Variants in STAG1 observed in about 807,000 individuals in gnomAD.
The protein encoded by STAG1 is STAG1 cohesin complex component.
Under a neutral mutation model 170.9 loss-of-function variants are expected in STAG1, and 26 were observed. The observed-to-expected ratio is 0.15, with a 90% CI of 0.11 to 0.21. The LOEUF is 0.21. STAG1 is among the 10% of genes least tolerant of loss of function. STAG1 has a pLI of 1.00. For synonymous variants in STAG1, 514 were observed against 497.7 expected, an observed-to-expected ratio of 1.03 and a Z score of -0.44; for missense variants, 964 against 1,509.5, an observed-to-expected ratio of 0.64 and a Z score of 5.99.
At position 136,337,263 on chromosome 3, in the gene STAG1, T is replaced by G. The variant is rs1935718951; in HGVS notation, c.*991A>C. The G allele has an allele frequency of 6.6e-6, 1 of 152,656 alleles. No homozygotes were observed. The highest frequency in any genetic ancestry group is 2.4e-5 in the African/African-American group (1 of 41,470). 9.5% of individuals were successfully genotyped at this position (152,656 alleles called of 1,614,324 possible). ...GAAGTAAACACAGTTATGTTACACT[T>G]AAAATTACTTTTGAATGATTGATAA... is the stretch of plus-strand genomic sequence containing the variant. On this transcript the variant is annotated 3_prime_UTR_variant, in exon 34 of 34. Transcript: ENST00000383202.
intron 1 of STAG1, among the ~76,000 whole-genome samples, chr3:136,706,436 CAT>C (rs1264109147): frequency 6.6e-6 from 1 of 152,032 alleles, no homozygotes; most frequent in Non-Finnish European, 1.5e-5. Flanking sequence ...TGTTCCTACA[CAT>C]AATAATCCAA....
In STAG1 at chr3:136,751,263, G is replaced by GA. The variant is rs539146504; in HGVS notation, c.-84+931dup. Among the ~76,000 whole-genome samples the GA allele has an allele frequency of 7.3e-4, 110 of 150,842 alleles. 1 individual carries two copies. The South Asian group carries it at 0.022, about 31-fold the overall frequency. ...AGCACGATTCCCTGCAATGTGAAGA[G>GA]AATCGACAGATAACATTTCAAATGT... On this transcript the variant is annotated intron_variant, in intron 1 of 33. Transcript: ENST00000383202.
intron 1 of STAG1, among the ~76,000 whole-genome samples, chr3:136,640,099 C>CT (rs1940733820): frequency 1.3e-5 from 2 of 152,172 alleles, no homozygotes. Context: ...GAAAAATTCT[C>CT]TGGGACCACA....
chr3:136,697,039 G>T (rs934537874), intron 1 of STAG1, among the ~76,000 whole-genome samples: 1 of 152,174 alleles, frequency 6.6e-6, no homozygotes, highest in African/African-American at 2.4e-5. Context: ...AGGAACGTTT[G>T]TTGTCTTTAA....
chr3:136,539,405 C>A (rs1205550846), intron 6 of STAG1, among the ~76,000 whole-genome samples: 1 of 152,014 alleles, frequency 6.6e-6, no homozygotes, highest in Non-Finnish European at 1.5e-5. Context: ...GGGAGAAGAG[C>A]ACAATACACA....
chr3:136,604,689 C>T (rs545612687), intron 3 of STAG1, among the ~76,000 whole-genome samples: 91 of 152,148 alleles, frequency 6.0e-4, no homozygotes, highest in African/African-American at 2.0e-3. Flanking sequence ...CTTGCTCTGT[C>T]GCCCAGGATG....
intron 6 of STAG1, among the ~76,000 whole-genome samples, chr3:136,525,286 C>T (rs1212414399): frequency 6.6e-6 from 1 of 152,128 alleles, no homozygotes; most frequent in Admixed American, 6.5e-5. Flanking sequence ...TGTTATTGGT[C>T]TATTCAGGGA....
intron 1 of STAG1, among the ~76,000 whole-genome samples, chr3:136,740,863 A>G (rs958142954): frequency 5.3e-5 from 8 of 152,234 alleles, no homozygotes; most frequent in African/African-American, 1.7e-4. Flanking sequence ...TAATTTGGTG[A>G]TAACATATAA....
At chr3:136,464,597 C>T (rs1042161042) in intron 13 of STAG1, among the ~76,000 whole-genome samples, 3 of 152,046 alleles carry the variant, frequency 2.0e-5, no homozygotes, top group South Asian at 2.1e-4. Context: ...TTATCAATTA[C>T]GTTAGCTTTT....
intron 1 of STAG1, among the ~76,000 whole-genome samples, chr3:136,730,616 C>T (rs1933959504): frequency 6.6e-6 from 1 of 152,218 alleles, no homozygotes; most frequent in Admixed American, 6.5e-5. Flanking sequence ...GTTCACAACT[C>T]TCACTGTGCA....
At chr3:136,447,596 ATTTTTTTTTTTTTT>A (rs777110138) in intron 14 of STAG1, among the ~76,000 whole-genome samples, 2 of 74,322 alleles carry the variant, frequency 2.7e-5, no homozygotes, top group Admixed American at 1.7e-4. Context: ...AAAGCATCAC[ATTTTTTTTTTTTTT>A]TTTTTTTTTT....
At chr3:136,618,896 A>G (rs1023307118) in intron 3 of STAG1, among the ~76,000 whole-genome samples, 3 of 152,180 alleles carry the variant, frequency 2.0e-5, no homozygotes, top group Non-Finnish European at 4.4e-5. Context: ...GAGATATTCT[A>G]CAAAACAATA....
In STAG1 at chr3:136,485,337, G is replaced by T. The variant is rs540909188; in HGVS notation, c.903-7925C>A. 6.2e-4 allele frequency among the ~76,000 whole-genome samples: 95 copies of T among 152,070 alleles called. 1 individual carries two copies. The South Asian group carries it at 8.5e-3, about 14-fold the overall frequency. On this transcript the variant is annotated intron_variant, in intron 9 of 33. Coordinates refer to ENST00000383202, the MANE Select transcript of STAG1 (RefSeq NM_005862.3). Reference sequence around the variant, plus strand: ...CTGGGCGTGGTGGTGGGCACCTGTAGTCCCAGCTACTCGAGAGGCTGAGGC... The same window carrying T: ...CTGGGCGTGGTGGTGGGCACCTGTATTCCCAGCTACTCGAGAGGCTGAGGC...
intron 2 of STAG1, among the ~76,000 whole-genome samples, chr3:136,624,920 T>C (rs1940030429): frequency 6.6e-6 from 1 of 152,192 alleles, no homozygotes; most frequent in African/African-American, 2.4e-5. Flanking sequence ...ATGAAATAAT[T>C]AGGAAGTGAT....
chr3:136,442,027 G>A (rs2088649370), intron 15 of STAG1, among the ~76,000 whole-genome samples: 1 of 152,186 alleles, frequency 6.6e-6, no homozygotes. Context: ...GTGAAATCCT[G>A]TCTCTAATAA....
chr3:136,375,853 C>G (rs1937569620), intron 23 of STAG1, among the ~76,000 whole-genome samples: 1 of 151,554 alleles, frequency 6.6e-6, no homozygotes, highest in Non-Finnish European at 1.5e-5. Context: ...ACCTGTAATC[C>G]CAGATACTTG....
chr3:136,391,108 T>C (rs1376018002), intron 22 of STAG1, among the ~76,000 whole-genome samples: 2 of 152,316 alleles, frequency 1.3e-5, no homozygotes, highest in East Asian at 1.9e-4. Flanking sequence ...TCAATAATAA[T>C]TGGACTTGTA....
chr3:136,655,758 C>T (rs1191174373), intron 1 of STAG1, among the ~76,000 whole-genome samples: 1 of 149,832 alleles, frequency 6.7e-6, no homozygotes, highest in Non-Finnish European at 1.5e-5. Context: ...GGTAAGACTC[C>T]ATTAAAAAAA....
intron 9 of STAG1, among the ~76,000 whole-genome samples, chr3:136,478,274 G>A (rs113053311): frequency 9.2e-5 from 14 of 152,244 alleles, no homozygotes; most frequent in South Asian, 6.2e-4. Context: ...AGAACAACCC[G>A]AAAAGTCAGA....
Sources: gnomAD v4.1 joint callset for allele counts (sites outside exome capture counted in the v4.1 genomes callset) on GRCh38, gnomAD v4.1.1 for gene constraint, MANE v1.5 for transcripts, NCBI Gene and HGNC (gene_info 2026-07-23, HGNC 2026-07-21) for gene names.